The following ADGB variants were observed in gnomAD, a reference collection of about 807,000 sequenced individuals.
The protein encoded by ADGB is androglobin, also known as calpain-7-like protein.
A neutral mutation model predicts 210.5 loss-of-function variants in ADGB; 172 were observed. The ratio of observed to expected loss-of-function variants is 0.82; its 90% confidence interval spans 0.72 to 0.93. The LOEUF (loss-of-function observed/expected upper bound fraction) is 0.93. Ranked by LOEUF, ADGB falls within the 40% of genes least tolerant of loss-of-function variation. The pLI is 0.00. For missense variants in ADGB, 2,025 were observed against 1,964.8 expected, an observed-to-expected ratio of 1.03 and a Z score of -0.58; for synonymous variants, 658 against 662.7, an observed-to-expected ratio of 0.99 and a Z score of 0.11.
chr6:146,681,690 T>C (rs956544195), intron 9 of ADGB, among the ~76,000 whole-genome samples: 3 of 152,106 alleles, frequency 2.0e-5, no homozygotes, highest in African/African-American at 7.2e-5. Context: ...CTAATATATA[T>C]TATTTTAAAA....
chr6:146,682,554 C>T (rs1031455352), intron 9 of ADGB, among the ~76,000 whole-genome samples: 22 of 151,966 alleles, frequency 1.4e-4, no homozygotes, highest in African/African-American at 5.1e-4. Context: ...TGTGCTAATT[C>T]AATACAAAGT....
At chr6:146,814,331 AATTT>A (rs1778349690) in intron 35 of ADGB, among the ~76,000 whole-genome samples, 1 of 152,212 alleles carries the variant, frequency 6.6e-6, no homozygotes, top group Non-Finnish European at 1.5e-5. Context: ...GTAAGCAATT[AATTT>A]GGCCACTTCC....
intron 9 of ADGB, among the ~76,000 whole-genome samples, chr6:146,676,881 G>A (rs891023797): frequency 6.6e-6 from 1 of 152,170 alleles, no homozygotes; most frequent in Non-Finnish European, 1.5e-5. Context: ...TGTGAGGCCG[G>A]AGACTCTGGA....
chr6:146,786,514 C>G (rs1189875303), intron 32 of ADGB, among the ~76,000 whole-genome samples: 1 of 152,124 alleles, frequency 6.6e-6, no homozygotes, highest in East Asian at 1.9e-4. Flanking sequence ...ATAGCAAGTA[C>G]CATCCTAATT....
chr6:146,656,717 A>G, intron 4 of ADGB, 54 bp from the exon 5 acceptor site: 1 of 1,247,594 alleles, frequency 8.0e-7, no homozygotes, highest in South Asian at 1.7e-5. Context: ...TCCCTAAATT[A>G]CAGTACCTAC....
chr6:146,780,549 A>G (rs948868850), intron 29 of ADGB, among the ~76,000 whole-genome samples: 1 of 152,196 alleles, frequency 6.6e-6, no homozygotes, highest in African/African-American at 2.4e-5. Context: ...GAGTGGCTAT[A>G]GTAATACCAG....
At chr6:146,636,633 T>C (rs911639571) in intron 2 of ADGB, among the ~76,000 whole-genome samples, 2 of 151,588 alleles carry the variant, frequency 1.3e-5, no homozygotes, top group African/African-American at 4.8e-5. Flanking sequence ...TGGGTGGGTG[T>C]GGGTGTGTGT....
intron 10 of ADGB, among the ~76,000 whole-genome samples, chr6:146,690,130 G>A (rs1776282288): frequency 1.3e-5 from 2 of 152,104 alleles, no homozygotes; most frequent in Non-Finnish European, 2.9e-5. Flanking sequence ...ACTATCTCAC[G>A]GGTCTCCTAC....
At position 146,648,678 on chromosome 6, in the gene ADGB, C is replaced by T. The variant is rs188053655; in HGVS notation, c.330+3813C>T. Among the ~76,000 whole-genome samples the T allele has an allele frequency of 9.1e-4, 138 of 152,106 alleles. 1 individual carries two copies. The highest frequency in any genetic ancestry group is 1.7e-3 in the Non-Finnish European group (116 of 68,010). ...ACCTTCCAATGGACTGCTCCCCCGA[C>T]GTTTGGAATTACAATTCAACATTAG... On this transcript the variant is annotated intron_variant, in intron 3 of 35. Coordinates refer to ENST00000397944, the MANE Select transcript of ADGB (RefSeq NM_024694.4).
chr6:146,695,261 T>A (rs553129337), intron 12 of ADGB, among the ~76,000 whole-genome samples: 62 of 152,244 alleles, frequency 4.1e-4, no homozygotes, highest in African/African-American at 1.4e-3. Flanking sequence ...ATTGTCTGCT[T>A]CCAATAGCCT....
chr6:146,642,641 T>C (rs1775535287), intron 2 of ADGB, among the ~76,000 whole-genome samples: 1 of 151,942 alleles, frequency 6.6e-6, no homozygotes. Context: ...CTATTATCTT[T>C]AGCAAACTAA....
intron 1 of ADGB, among the ~76,000 whole-genome samples, chr6:146,618,496 A>C (rs1780836840): frequency 6.6e-6 from 1 of 151,916 alleles, no homozygotes; most frequent in South Asian, 2.1e-4. Context: ...GAAAGTGTTT[A>C]TTCATGTAAA....
chr6:146,792,781 A>G (rs539166018), intron 33 of ADGB, among the ~76,000 whole-genome samples: 7 of 152,334 alleles, frequency 4.6e-5, no homozygotes, highest in African/African-American at 1.7e-4. Flanking sequence ...CAAGCAGCCT[A>G]TCTCCAAGCA....
chr6:146,721,507 T>A lies in ADGB; in HGVS notation c.2095+2T>A. ...TGGTACGCTGGGGGGAGTATGGAGG[T>A]AAGAGGGCTCTGAGAAAATGATAGC... On this transcript the variant is annotated splice_donor_variant, in intron 17 of 35. Coordinates refer to ENST00000397944, the MANE Select transcript of ADGB (RefSeq NM_024694.4). LOFTEE classifies it high-confidence loss of function. 1 of 1,483,324 alleles carries A rather than the reference T, an allele frequency of 6.7e-7. No homozygotes were observed. Among genetic ancestry groups the A allele is most frequent in the Non-Finnish European group, 9.0e-7 (1 of 1,107,198 alleles). The allele number at this position is 1,483,324 out of a possible 1,614,324, so 91.9% of individuals were successfully genotyped here. A position where few individuals can be genotyped will look rare whatever the true frequency, so the allele number is the denominator to read the frequency against.
chr6:146,658,884 A>G (rs1775818854), intron 5 of ADGB, among the ~76,000 whole-genome samples: 1 of 152,178 alleles, frequency 6.6e-6, no homozygotes, highest in African/African-American at 2.4e-5. Flanking sequence ...CATCAGAGGA[A>G]TGCCTACAGA....
chr6:146,804,008 C>T (rs1212940739), intron 35 of ADGB, among the ~76,000 whole-genome samples: 1 of 152,174 alleles, frequency 6.6e-6, no homozygotes, highest in African/African-American at 2.4e-5. Flanking sequence ...GTTTGTTCAG[C>T]TTAAGGCTAT....
chr6:146,801,124 T>C, intron 33 of ADGB, 59 bp from the exon 34 acceptor site: 1 of 875,338 alleles, frequency 1.1e-6, no homozygotes. Flanking sequence ...AGTCATTTGG[T>C]TAGTCATTAT....
chr6:146,705,414 C>T (rs111383764), intron 13 of ADGB, among the ~76,000 whole-genome samples: 6,901 of 152,102 alleles, frequency 0.045, 183 homozygotes, highest in South Asian at 0.063. Context: ...ATGAGTTTGT[C>T]ATATATGGCC....
chr6:146,734,118 C>T, intron 22 of ADGB, 88 bp downstream of exon 22: 2 of 1,241,432 alleles, frequency 1.6e-6, no homozygotes. Context: ...TGGAGTCCCC[C>T]ACTTTATGGC....
Sources: allele counts gnomAD v4.1 joint callset (sites outside exome capture counted in the v4.1 genomes callset), GRCh38; gene constraint gnomAD v4.1.1; transcripts MANE v1.5; gene names NCBI Gene and HGNC (gene_info 2026-07-23, HGNC 2026-07-21).